Variants in GTF2F2 observed in about 807,000 individuals in gnomAD.
The protein encoded by GTF2F2 is ATP-dependent helicase GTF2F2.
Under a neutral mutation model 42.2 loss-of-function variants are expected in GTF2F2, and 23 were observed. The observed-to-expected ratio is 0.55, with a 90% CI of 0.39 to 0.77. The LOEUF (loss-of-function observed/expected upper bound fraction) is 0.77. GTF2F2 is among the 30% of genes least tolerant of loss of function. The pLI is 0.00. For missense variants in GTF2F2, 261 were observed against 287.2 expected, an observed-to-expected ratio of 0.91 and a Z score of 0.66; for synonymous variants, 105 against 100.8, an observed-to-expected ratio of 1.04 and a Z score of -0.25.
intron 5 of GTF2F2, among the ~76,000 whole-genome samples, chr13:45,212,483 C>CTTTCTT (rs1873712226): frequency 3.0e-5 from 3 of 100,092 alleles, no homozygotes; most frequent in Non-Finnish European, 6.8e-5. Context: ...TTCTTTCTTT[C>CTTTCTT]TTTCTTTCTT....
chr13:45,124,688 C>T (rs908297171), intron 1 of GTF2F2, among the ~76,000 whole-genome samples: 6 of 152,132 alleles, frequency 3.9e-5, no homozygotes, highest in Admixed American at 2.6e-4. Context: ...CCTCAGCCTC[C>T]CGAATAGCTG....
At chr13:45,272,442 A>AAC (rs1357690886) in intron 7 of GTF2F2, among the ~76,000 whole-genome samples, 12 of 130,902 alleles carry the variant, frequency 9.2e-5, no homozygotes, top group African/African-American at 3.6e-4. Flanking sequence ...AAAAAAAAAC[A>AAC]AAAAAAAAAA....
In GTF2F2 at chr13:45,136,803, C is replaced by T; in HGVS notation, c.137C>T (p.Ala46Val). The stretch of plus-strand genomic sequence containing the variant: ...GGTGAAGTTGGGAAACTGCGGATTG[C>T]CAAGTAAGTTATTTACATATTCTTG... ...GRGEVGKLRI[A>V]KTQGRTEVSF... The change falls in exon 2 of 8, where the codon GCC becomes GTC. Residue 46 changes from alanine to valine, a missense_variant. Coordinates refer to ENST00000340473, the MANE Select transcript of GTF2F2 (RefSeq NM_004128.3). 6.5e-7 allele frequency: 1 copy of T among 1,540,964 alleles called. No individual in the cohort carries two copies. The highest frequency in any genetic ancestry group is 9.0e-7 in the Non-Finnish European group (1 of 1,114,630).
intron 4 of GTF2F2, among the ~76,000 whole-genome samples, chr13:45,164,132 T>C (rs1407313246): frequency 6.6e-6 from 1 of 152,002 alleles, no homozygotes; most frequent in Non-Finnish European, 1.5e-5. Flanking sequence ...ATACAAAAAT[T>C]AGTCCAGCGT....
At chr13:45,200,740 CA>C (rs1225500734) in intron 4 of GTF2F2, among the ~76,000 whole-genome samples, 4 of 151,914 alleles carry the variant, frequency 2.6e-5, no homozygotes, top group Non-Finnish European at 5.9e-5. Context: ...GAACCACAGG[CA>C]AAAAAACTTC....
intron 4 of GTF2F2, 80 bp downstream of exon 4, chr13:45,151,911 CTTTTTTTT>C (rs773005628): frequency 1.8e-4 from 25 of 142,202 alleles, no homozygotes; most frequent in South Asian, 3.4e-4. Context: ...CTCCTATTTG[CTTTTTTTT>C]TTTTTTTTTT....
intron 5 of GTF2F2, among the ~76,000 whole-genome samples, chr13:45,221,567 G>A (rs1483150914): frequency 6.6e-6 from 1 of 151,214 alleles, no homozygotes; most frequent in African/African-American, 2.4e-5. Flanking sequence ...CTTCCAAGTG[G>A]GGTCCCAGTA....
At chr13:45,199,714 C>T (rs1374677201) in intron 4 of GTF2F2, among the ~76,000 whole-genome samples, 3 of 152,070 alleles carry the variant, frequency 2.0e-5, no homozygotes, top group Non-Finnish European at 4.4e-5. Context: ...AGCTAATAAC[C>T]ATTATCTACA....
intron 5 of GTF2F2, among the ~76,000 whole-genome samples, chr13:45,217,851 T>C (rs898543034): frequency 6.6e-6 from 1 of 152,212 alleles, no homozygotes; most frequent in Non-Finnish European, 1.5e-5. Flanking sequence ...TGTTTTTACT[T>C]TTTCCCCTTA....
At chr13:45,211,469 A>G (rs372810154) in intron 5 of GTF2F2, among the ~76,000 whole-genome samples, 37 of 150,822 alleles carry the variant, frequency 2.5e-4, no homozygotes, top group East Asian at 1.9e-3. Flanking sequence ...GGATCTCACT[A>G]TGTTGCCCAG....
intron 2 of GTF2F2, among the ~76,000 whole-genome samples, chr13:45,144,943 C>T (rs1453691834): frequency 6.6e-6 from 1 of 152,122 alleles, no homozygotes; most frequent in Admixed American, 6.6e-5. Context: ...ACACAACATG[C>T]ACACATATTC....
intron 2 of GTF2F2, among the ~76,000 whole-genome samples, chr13:45,141,002 G>A (rs573186145): frequency 3.7e-4 from 57 of 152,260 alleles, no homozygotes; most frequent in African/African-American, 1.3e-3. Context: ...CCAACCCATA[G>A]GATGTTTATA....
chr13:45,248,042 A>G (rs1875718157), intron 5 of GTF2F2, among the ~76,000 whole-genome samples: 1 of 151,976 alleles, frequency 6.6e-6, no homozygotes, highest in Admixed American at 6.6e-5. Flanking sequence ...ACGGGGTTTC[A>G]CCATGTTGGC....
intron 4 of GTF2F2, among the ~76,000 whole-genome samples, chr13:45,200,197 G>C (rs984828975): frequency 8.6e-5 from 13 of 152,038 alleles, no homozygotes; most frequent in African/African-American, 3.1e-4. Context: ...CGTATCACAA[G>C]AAAGTAAAAT....
At chr13:45,274,641 C>A (rs553909106) in intron 7 of GTF2F2, among the ~76,000 whole-genome samples, 10 of 152,210 alleles carry the variant, frequency 6.6e-5, no homozygotes, top group Non-Finnish European at 1.2e-4. Flanking sequence ...ATTATACTTT[C>A]TTAAAGTGTG....
At chr13:45,198,937 C>T (rs921081858) in intron 4 of GTF2F2, among the ~76,000 whole-genome samples, 3 of 152,128 alleles carry the variant, frequency 2.0e-5, no homozygotes, top group African/African-American at 4.8e-5. Flanking sequence ...AGGATTTTCC[C>T]ATGTTAATGT....
At position 45,120,621 on chromosome 13, in the gene GTF2F2, G is replaced by A; in HGVS notation, c.-35G>A. 6.6e-7 allele frequency: 1 copy of A among 1,524,916 alleles called. No homozygotes were observed. Among genetic ancestry groups the A allele is most frequent in the Non-Finnish European group, 8.9e-7 (1 of 1,123,164 alleles). 94.5% of individuals were successfully genotyped at this position (1,524,916 alleles called of 1,614,324 possible). ...CAGCCCTGCGGCTCCTGGGGTCGCT[G>A]CTGCATCCCGCACGCCTCCACCGGC... On this transcript the variant is annotated 5_prime_UTR_variant, in exon 1 of 8. Transcript: ENST00000340473.
intron 4 of GTF2F2, among the ~76,000 whole-genome samples, chr13:45,162,160 C>T (rs1049817287): frequency 6.6e-6 from 1 of 152,106 alleles, no homozygotes; most frequent in Non-Finnish European, 1.5e-5. Flanking sequence ...TATGTTAAAA[C>T]AGTCTCTTTA....
intron 5 of GTF2F2, among the ~76,000 whole-genome samples, chr13:45,249,510 C>T (rs1875785723): frequency 6.6e-6 from 1 of 152,194 alleles, no homozygotes; most frequent in Admixed American, 6.5e-5. Context: ...AAGTATGCTG[C>T]ATAAACCTGA....
Sources: gnomAD v4.1 joint callset for allele counts (sites outside exome capture counted in the v4.1 genomes callset) on GRCh38, gnomAD v4.1.1 for gene constraint, MANE v1.5 for transcripts, NCBI Gene and HGNC (gene_info 2026-07-23, HGNC 2026-07-21) for gene names.